GALNTL6: variants seen among roughly 807,000 people sequenced by gnomAD.
GALNTL6 encodes the protein polypeptide N-acetylgalactosaminyltransferase like 6.
In GALNTL6, 46 loss-of-function variants were observed where a neutral mutation model predicts 73.7. That is an observed-to-expected ratio of 0.62 (90% CI 0.49 to 0.80). The LOEUF (loss-of-function observed/expected upper bound fraction) is 0.80. GALNTL6 is among the 30% of genes least tolerant of loss of function. GALNTL6 has a pLI of 0.00. For missense variants in GALNTL6, 604 were observed against 755.0 expected (o/e 0.80, Z 2.34); for synonymous variants, 259 against 263.7 (o/e 0.98, Z 0.17).
At position 173,010,769 on chromosome 4, in the gene GALNTL6, A is replaced by ATT. The variant is rs146884418; in HGVS notation, c.1488+1491_1488+1492dup. Among the ~76,000 whole-genome samples, 370 of 125,824 alleles carry ATT rather than the reference A, an allele frequency of 2.9e-3. 2 individuals are homozygous for ATT. The highest frequency in any genetic ancestry group is 0.01 in the African/African-American group (352 of 34,948). The allele number at this position is 125,824 out of a possible 152,430, so 82.5% of individuals were successfully genotyped here. On this transcript the variant is annotated intron_variant, in intron 11 of 12. Coordinates refer to ENST00000506823, the MANE Select transcript of GALNTL6 (RefSeq NM_001034845.3). ...ACCACCATGCCCAGCTAATTTTTGT[A>ATT]TTTTTTTTTTTTTTTTTAGTAGAGA...
chr4:172,675,524 G>A (rs1025745560), intron 5 of GALNTL6, among the ~76,000 whole-genome samples: 2 of 152,208 alleles, frequency 1.3e-5, no homozygotes, highest in African/African-American at 2.4e-5. Flanking sequence ...CAGGGTACTG[G>A]CTGGCACAGG....
intron 2 of GALNTL6, among the ~76,000 whole-genome samples, chr4:171,846,186 CT>C (rs1388514324): frequency 6.6e-6 from 1 of 152,130 alleles, no homozygotes; most frequent in Non-Finnish European, 1.5e-5. Flanking sequence ...AGTTGATCCA[CT>C]TTATTTGCAA....
intron 5 of GALNTL6, among the ~76,000 whole-genome samples, chr4:172,754,492 A>T (rs934654746): frequency 1.3e-5 from 2 of 152,170 alleles, no homozygotes; most frequent in Non-Finnish European, 2.9e-5. Flanking sequence ...GAATCACTTG[A>T]ACCTGGGAGG....
intron 2 of GALNTL6, among the ~76,000 whole-genome samples, chr4:171,855,354 G>T (rs1438523073): frequency 6.6e-6 from 1 of 152,138 alleles, no homozygotes; most frequent in Non-Finnish European, 1.5e-5. Context: ...CAAAATGTCA[G>T]ATAGTTGAAA....
At chr4:172,804,408 C>G (rs1256331448) in intron 5 of GALNTL6, among the ~76,000 whole-genome samples, 1 of 152,172 alleles carries the variant, frequency 6.6e-6, no homozygotes, top group Non-Finnish European at 1.5e-5. Context: ...GTATAAACAT[C>G]AAAGAAATTT....
intron 5 of GALNTL6, among the ~76,000 whole-genome samples, chr4:172,669,976 T>C (rs1326051525): frequency 6.6e-6 from 1 of 152,196 alleles, no homozygotes; most frequent in Non-Finnish European, 1.5e-5. Flanking sequence ...TCCAGCTCTA[T>C]CCATGTCCCT....
At chr4:172,992,490 T>C (rs1261199445) in intron 10 of GALNTL6, among the ~76,000 whole-genome samples, 1 of 152,222 alleles carries the variant, frequency 6.6e-6, no homozygotes, top group Non-Finnish European at 1.5e-5. Flanking sequence ...AAAGTTTCTA[T>C]TTTTCTGGCA....
At chr4:172,735,088 G>A (rs1353456289) in intron 5 of GALNTL6, among the ~76,000 whole-genome samples, 1 of 152,162 alleles carries the variant, frequency 6.6e-6, no homozygotes, top group African/African-American at 2.4e-5. Flanking sequence ...GCACTGCCTA[G>A]CGGAGCTATG....
chr4:172,601,691 C>T (rs1230113939), intron 5 of GALNTL6, among the ~76,000 whole-genome samples: 1 of 152,074 alleles, frequency 6.6e-6, no homozygotes, highest in Non-Finnish European at 1.5e-5. Context: ...TACCCAGTTT[C>T]AGGTATTCTT....
At chr4:172,443,121 CATATATATATATATATATATAT>C (rs4048464) in intron 5 of GALNTL6, among the ~76,000 whole-genome samples, 51 of 52,018 alleles carry the variant, frequency 9.8e-4, no homozygotes, top group South Asian at 5.9e-3. Flanking sequence ...GATCCATATA[CATATATATATATATATATATAT>C]ATATATATAT....
intron 2 of GALNTL6, among the ~76,000 whole-genome samples, chr4:172,155,141 G>A (rs1430891025): frequency 6.6e-6 from 1 of 152,074 alleles, no homozygotes; most frequent in Non-Finnish European, 1.5e-5. Flanking sequence ...GGGATTACAG[G>A]AGCCTGCCAC....
rs146125418 is a variant in GALNTL6 at position 172,187,061 on chromosome 4, C to T, written c.139-42595C>T. Among the ~76,000 whole-genome samples, 1,230 of 151,928 alleles carry T rather than the reference C, an allele frequency of 8.1e-3. 18 individuals carry two copies. The highest frequency in any genetic ancestry group is 0.028 in the African/African-American group (1,164 of 41,456). The stretch of plus-strand genomic sequence containing the variant: ...TTTAACCTAAATATTAGTCACAAGT[C>T]ATATATAGATGAATATCATAATTTT... On this transcript the variant is annotated intron_variant, in intron 2 of 12. Transcript: ENST00000506823.
chr4:172,250,604 G>C (rs1180075547), intron 3 of GALNTL6, among the ~76,000 whole-genome samples: 2 of 152,062 alleles, frequency 1.3e-5, no homozygotes, highest in Non-Finnish European at 2.9e-5. Flanking sequence ...TCACTCAGTT[G>C]TCATTCTTCT....
intron 5 of GALNTL6, among the ~76,000 whole-genome samples, chr4:172,517,049 A>C (rs1561118231): frequency 6.6e-6 from 1 of 152,148 alleles, no homozygotes; most frequent in Non-Finnish European, 1.5e-5. Context: ...TGAAGGGTTG[A>C]TATTTAATGG....
intron 3 of GALNTL6, among the ~76,000 whole-genome samples, chr4:172,307,133 T>G (rs1216160149): frequency 6.6e-6 from 1 of 152,206 alleles, no homozygotes; most frequent in Non-Finnish European, 1.5e-5. Context: ...CACTATTTTT[T>G]GATTTTTAAA....
At chr4:172,246,590 A>G (rs1278221265) in intron 3 of GALNTL6, among the ~76,000 whole-genome samples, 3 of 151,950 alleles carry the variant, frequency 2.0e-5, no homozygotes, top group Non-Finnish European at 4.4e-5. Flanking sequence ...GAGGCATTCA[A>G]TGCATTATCC....
At position 172,809,594 on chromosome 4, in the gene GALNTL6, G is replaced by C. The variant is rs1452413362; in HGVS notation, c.739+48G>C. The C allele has an allele frequency of 1.4e-6, 2 of 1,477,396 alleles. No homozygotes were observed. The highest frequency in any genetic ancestry group is 1.8e-6 in the Non-Finnish European group (2 of 1,089,282). The allele number at this position is 1,477,396 out of a possible 1,614,324, so 91.5% of individuals were successfully genotyped here. A position where few individuals can be genotyped will look rare whatever the true frequency, so the allele number is the denominator to read the frequency against. ...CATCCTGGGATGCCTCAGGGGAACT[G>C]AGCGGTTTGCTTCTATTTAGTTTGC... On this transcript the variant is annotated intron_variant, in intron 6 of 12. Coordinates refer to ENST00000506823, the MANE Select transcript of GALNTL6 (RefSeq NM_001034845.3). This position sits in a 1 kb window ranked among gnomAD's most constrained non-coding sequence, Gnocchi z 4.4.
rs1274050697 is a variant in GALNTL6 at position 172,658,066 on chromosome 4, C to T, written c.554-151295C>T. Among the ~76,000 whole-genome samples the T allele has an allele frequency of 3.6e-4, 43 of 118,282 alleles. No homozygotes were observed. The East Asian group carries it at 0.012, about 32-fold the overall frequency. The allele number at this position is 118,282 out of a possible 152,430, so 77.6% of individuals were successfully genotyped here. On this transcript the variant is annotated intron_variant, in intron 5 of 12. Transcript: ENST00000506823. ...TCGGGAGGCTGAGGCAGGAGAATGG[C>T]GTGAACCCGGGAGGCGGAGCTTGCA...
chr4:172,804,642 C>T (rs1179046424), intron 5 of GALNTL6, among the ~76,000 whole-genome samples: 3 of 152,224 alleles, frequency 2.0e-5, no homozygotes, highest in South Asian at 2.1e-4. Context: ...TGGCCAGGCT[C>T]TCTAATACTG....
Sources: gnomAD v4.1 joint callset for allele counts (sites outside exome capture counted in the v4.1 genomes callset) on GRCh38, gnomAD v4.1.1 for gene constraint, Gnocchi (gnomAD v3.1) non-coding constraint, MANE v1.5 for transcripts, NCBI Gene and HGNC (gene_info 2026-07-23, HGNC 2026-07-21) for gene names.